VWA8: variants seen among roughly 807,000 people sequenced by gnomAD.
The protein encoded by VWA8 is von Willebrand factor A domain containing 8.
VWA8 carries 221 observed loss-of-function variants against 241.5 expected under a neutral mutation model. That is an observed-to-expected ratio of 0.91 (90% CI 0.82 to 1.02). The LOEUF (loss-of-function observed/expected upper bound fraction) is 1.02. Ranked by LOEUF, VWA8 falls within the 50% of genes least tolerant of loss-of-function variation. The pLI, the probability that VWA8 is intolerant of heterozygous loss-of-function variation, is 0.00. For missense variants in VWA8, 2,322 were observed against 2,328.7 expected, an observed-to-expected ratio of 1.00 and a Z score of 0.06; for synonymous variants, 852 against 827.1, an observed-to-expected ratio of 1.03 and a Z score of -0.52.
intron 5 of VWA8, among the ~76,000 whole-genome samples, chr13:41,890,744 T>C (rs982375239): frequency 2.0e-5 from 3 of 152,216 alleles, no homozygotes; most frequent in Admixed American, 6.5e-5. Flanking sequence ...TATTGCATTG[T>C]AAAAACTTTT....
chr13:41,752,711 T>C (rs2045665212), intron 21 of VWA8, among the ~76,000 whole-genome samples: 1 of 152,192 alleles, frequency 6.6e-6, no homozygotes, highest in African/African-American at 2.4e-5. Context: ...TAACACTTAT[T>C]ATGTTGCCTA....
At chr13:41,820,478 AT>A (rs1312553153) in intron 14 of VWA8, among the ~76,000 whole-genome samples, 1 of 152,186 alleles carries the variant, frequency 6.6e-6, no homozygotes, top group African/African-American at 2.4e-5. Context: ...ATGATCTGTA[AT>A]TTTAAAGGCC....
At chr13:41,863,407 G>A (rs1263590087) in intron 12 of VWA8, among the ~76,000 whole-genome samples, 2 of 22,600 alleles carry the variant, frequency 8.8e-5, no homozygotes, top group Non-Finnish European at 1.9e-4. Context: ...GTGTGTGTGT[G>A]TGTGTGTGTG....
At chr13:41,778,720 G>A (rs757701955) in intron 19 of VWA8, among the ~76,000 whole-genome samples, 2 of 150,304 alleles carry the variant, frequency 1.3e-5, no homozygotes, top group Admixed American at 6.6e-5. Context: ...TTGGTTTTCT[G>A]TATCAAATAG....
At chr13:41,570,360 C>T in intron 44 of VWA8, 108 bp downstream of exon 44, 3 of 974,706 alleles carry the variant, frequency 3.1e-6, no homozygotes, top group Admixed American at 4.6e-5. Flanking sequence ...TCTGTTTTTC[C>T]TCCATCTGCC....
chr13:41,713,433 A>G (rs1476167986), intron 26 of VWA8, among the ~76,000 whole-genome samples: 1 of 152,194 alleles, frequency 6.6e-6, no homozygotes, highest in African/African-American at 2.4e-5. Flanking sequence ...ATTGGCTATT[A>G]TGGTCTTAGA....
chr13:41,882,376 G>A (rs574108351), intron 9 of VWA8, among the ~76,000 whole-genome samples: 83 of 152,178 alleles, frequency 5.5e-4, no homozygotes, highest in African/African-American at 1.9e-3. Context: ...GCCAGGCAGA[G>A]ACGCTCCTCA....
intron 40 of VWA8, among the ~76,000 whole-genome samples, chr13:41,603,409 C>T (rs1317949096): frequency 6.6e-6 from 1 of 152,108 alleles, no homozygotes; most frequent in Non-Finnish European, 1.5e-5. Context: ...TACCATTTAT[C>T]TAAAGCACTG....
chr13:41,729,421 C>T, intron 23 of VWA8, 121 bp downstream of exon 23: 3 of 975,738 alleles, frequency 3.1e-6, no homozygotes, highest in Non-Finnish European at 4.3e-6. Context: ...ATACAGGCAA[C>T]TTAAGTCATA....
rs189025387 is a variant in VWA8, at chr13:41,922,761, C to G, written c.242-10593G>C. Among the ~76,000 whole-genome samples, 290 of 152,216 alleles carry G rather than the reference C, an allele frequency of 1.9e-3. 1 individual carries two copies. Among genetic ancestry groups the G allele is most frequent in the African/African-American group, 6.7e-3 (278 of 41,538 alleles). On this transcript the variant is annotated intron_variant, in intron 2 of 44. Transcript: ENST00000379310. The stretch of plus-strand genomic sequence containing the variant: ...TACCATCTCACACCAGTTAGAATGG[C>G]AATCATTAAAAAGTTAGGAAACAAC...
In VWA8 at chr13:41,841,846, TATATATATATATAA is replaced by T. The variant is rs1315304495; in HGVS notation, c.1426-8329_1426-8316del. ...ATATATATATATATATATATATATA[TATATATATATATAA>T]AAACAGTAGACATTTAATATTTTTT... On this transcript the variant is annotated intron_variant, in intron 12 of 44. Transcript: ENST00000379310. 6.1e-3 allele frequency among the ~76,000 whole-genome samples: 519 copies of T among 84,912 alleles called. 19 individuals are homozygous for T. Among genetic ancestry groups the T allele is most frequent in the African/African-American group, 0.018 (306 of 17,392 alleles). 55.7% of individuals were successfully genotyped at this position (84,912 alleles called of 152,430 possible). A position where few individuals can be genotyped will look rare whatever the true frequency, so the allele number is the denominator to read the frequency against.
At chr13:41,696,744 T>C (rs766330301) in intron 29 of VWA8, among the ~76,000 whole-genome samples, 13 of 152,196 alleles carry the variant, frequency 8.5e-5, no homozygotes, top group Non-Finnish European at 1.3e-4. Flanking sequence ...CTTTGAGACA[T>C]TCATCACTTG....
chr13:41,717,242 A>C (rs550771097), intron 26 of VWA8, among the ~76,000 whole-genome samples: 2 of 151,904 alleles, frequency 1.3e-5, no homozygotes, highest in Non-Finnish European at 2.9e-5. Flanking sequence ...TGGTAAATCA[A>C]ATATTTTTAA....
intron 4 of VWA8, among the ~76,000 whole-genome samples, chr13:41,901,245 G>A (rs1314848163): frequency 2.0e-5 from 3 of 151,592 alleles, no homozygotes; most frequent in South Asian, 2.1e-4. Context: ...CTCAAGGGTT[G>A]GAATTACAGG....
At chr13:41,573,487 ATATATAT>A (rs1411266539) in intron 43 of VWA8, among the ~76,000 whole-genome samples, 2 of 92,840 alleles carry the variant, frequency 2.2e-5, no homozygotes, top group Non-Finnish European at 4.3e-5. Context: ...AAAAAAAAAA[ATATATAT>A]ATATATATAT....
At chr13:41,754,426 AGTCTTGGGTAT>A (rs1450874374) in intron 21 of VWA8, among the ~76,000 whole-genome samples, 1 of 152,130 alleles carries the variant, frequency 6.6e-6, no homozygotes, top group East Asian at 1.9e-4. Flanking sequence ...TAAATTGCCC[AGTCTTGGGTAT>A]GTCTTTATCA....
At chr13:41,944,409 C>G (rs1021892241) in intron 2 of VWA8, among the ~76,000 whole-genome samples, 2 of 151,950 alleles carry the variant, frequency 1.3e-5, no homozygotes, top group African/African-American at 4.8e-5. Flanking sequence ...CTCTGTTGTT[C>G]AAGCAGGAGG....
chr13:41,637,945 C>T (rs967809032), intron 37 of VWA8, among the ~76,000 whole-genome samples: 1 of 152,180 alleles, frequency 6.6e-6, no homozygotes. Flanking sequence ...AGTTTTAGTT[C>T]TAGTTCTACC....
At chr13:41,796,933 TG>T (rs1489344164) in intron 17 of VWA8, among the ~76,000 whole-genome samples, 1 of 152,218 alleles carries the variant, frequency 6.6e-6, no homozygotes, top group Non-Finnish European at 1.5e-5. Flanking sequence ...GGCTTTTAAG[TG>T]TATTTTTTGT....
Sources: gnomAD v4.1 joint callset for allele counts (sites outside exome capture counted in the v4.1 genomes callset) on GRCh38, gnomAD v4.1.1 for gene constraint, MANE v1.5 for transcripts, NCBI Gene and HGNC (gene_info 2026-07-23, HGNC 2026-07-21) for gene names.